TICRR: variants seen among roughly 807,000 people sequenced by gnomAD.
TICRR encodes TOPBP1 interacting checkpoint and replication regulator.
A neutral mutation model predicts 178.1 loss-of-function variants in TICRR; 132 were observed. That is an observed-to-expected ratio of 0.74 (90% CI 0.64 to 0.86). The LOEUF is 0.86. TICRR is among the 40% of genes least tolerant of loss of function. TICRR has a pLI of 0.00. For missense variants in TICRR, 2,587 were observed against 2,334.3 expected (o/e 1.11, Z -2.23); for synonymous variants, 991 against 900.7 (o/e 1.10, Z -1.79).
At chr15:89,614,317 AT>A (rs1170845165) in intron 15 of TICRR, among the ~76,000 whole-genome samples, 300 of 136,122 alleles carry the variant, frequency 2.2e-3, no homozygotes, top group African/African-American at 2.2e-3. Flanking sequence ...TGACAACTGG[AT>A]TTTTTTTTTT....
intron 16 of TICRR, among the ~76,000 whole-genome samples, chr15:89,617,496 T>C (rs1963353715): frequency 6.6e-6 from 1 of 152,128 alleles, no homozygotes; most frequent in Non-Finnish European, 1.5e-5. Flanking sequence ...TTCCAAAAAA[T>C]AAAAGCAAAA....
intron 5 of TICRR, 53 bp downstream of exon 5, chr15:89,592,229 T>C: frequency 1.3e-6 from 2 of 1,531,354 alleles, no homozygotes; most frequent in Non-Finnish European, 1.8e-6. Flanking sequence ...AACGTTCAGT[T>C]ATCTGCATTT....
chr15:89,608,715 T>C (rs918197409), intron 14 of TICRR, 88 bp from the exon 15 acceptor site: 24 of 1,198,214 alleles, frequency 2.0e-5, no homozygotes, highest in Non-Finnish European at 2.7e-5. Context: ...AAGGAGCTTC[T>C]CTGTTTTGGT....
At position 89,624,211 on chromosome 15, in the gene TICRR, ACTT is replaced by A; in HGVS notation, c.3906_3908del (p.Ser1303del). On this transcript the variant is annotated inframe_deletion, in exon 20 of 22. Coordinates refer to ENST00000268138, the MANE Select transcript of TICRR (RefSeq NM_152259.4). ...AAAAAGACCAGGGAATTCAACTGTG[ACTT>A]CTTCCCCACCTGTTACGCCAAAGAA... 6.2e-7 allele frequency: 1 copy of A among 1,614,208 alleles called. No homozygotes were observed.
chr15:89,576,821 GTATATA>G (rs369518649), intron 1 of TICRR, among the ~76,000 whole-genome samples: 35,096 of 92,288 alleles, frequency 0.38, 5,187 homozygotes, highest in South Asian at 0.5. Context: ...ATGTGTGTGT[GTATATA>G]TATATATATA....
At chr15:89,598,248 C>T (rs534892353) in intron 7 of TICRR, among the ~76,000 whole-genome samples, 6 of 152,204 alleles carry the variant, frequency 3.9e-5, no homozygotes, top group Middle Eastern at 3.4e-3. Flanking sequence ...GCTGGGATTA[C>T]AGGCGTGAGC....
In TICRR at chr15:89,623,793, C is replaced by G. The variant is rs934815210; in HGVS notation, c.3483C>G (p.Ser1161=). ...AAFKESLKDS[S]SPGHDSPLDS... Reference sequence around the variant, plus strand: ...TTAAGGAGTCCTTAAAAGACTCCTCCTCACCCGGCCATGACTCACCATTGG... The same window carrying G: ...TTAAGGAGTCCTTAAAAGACTCCTCGTCACCCGGCCATGACTCACCATTGG... Residue 1161 remains serine, a synonymous_variant, in exon 20 of 22, where the codon TCC becomes TCG. Transcript: ENST00000268138. 4 of 1,613,958 alleles carry G rather than the reference C, an allele frequency of 2.5e-6. No individual in the cohort carries two copies. The highest frequency in any genetic ancestry group is 2.5e-6 in the Non-Finnish European group (3 of 1,179,978).
intron 18 of TICRR, among the ~76,000 whole-genome samples, chr15:89,620,453 C>G (rs894296877): frequency 6.6e-6 from 1 of 152,088 alleles, no homozygotes; most frequent in Non-Finnish European, 1.5e-5. Context: ...AGTGATCCAT[C>G]TGCCTCGGCC....
At position 89,624,984 on chromosome 15, in the gene TICRR, C is replaced by T; in HGVS notation, c.4674C>T (p.Thr1558=). 1 of 1,614,098 alleles carries T rather than the reference C, an allele frequency of 6.2e-7. No individual in the cohort carries two copies. The highest frequency in any genetic ancestry group is 8.5e-7 in the Non-Finnish European group (1 of 1,180,032). ...WHSTDSASPQ[T]YEVELEMQAS... is the part of the protein sequence containing the mutation. ...CCACAGACTCTGCCAGCCCACAGAC[C>T]TATGAGGTTGAGCTGGAGATGCAAG... Residue 1558 remains threonine, a synonymous_variant, in exon 20 of 22, where the codon ACC becomes ACT. Coordinates refer to ENST00000268138, the MANE Select transcript of TICRR (RefSeq NM_152259.4).
At position 89,601,374 on chromosome 15, in the gene TICRR, G is replaced by C; in HGVS notation, c.2230G>C (p.Glu744Gln). 6.2e-7 allele frequency: 1 copy of C among 1,614,134 alleles called. No homozygotes were observed. The highest frequency in any genetic ancestry group is 8.5e-7 in the Non-Finnish European group (1 of 1,180,000). Reference protein sequence around the residue: ...PSINESTDDMEQVVEEVTDLL... With the variant: ...PSINESTDDMQQVVEEVTDLL... Reference sequence around the variant, plus strand: ...AATAAATGAAAGTACAGATGATATGGAACAAGTAGTGGAGGAGGCAAGTAT... The same window carrying C: ...AATAAATGAAAGTACAGATGATATGCAACAAGTAGTGGAGGAGGCAAGTAT... Residue 744 changes from glutamate to glutamine, a missense_variant, in exon 10 of 22, where the codon GAA becomes CAA. Physicochemically the swap from Glu to Gln is conservative, Grantham distance 29 (BLOSUM62 2). Coordinates refer to ENST00000268138, the MANE Select transcript of TICRR (RefSeq NM_152259.4).
chr15:89,618,632 C>G (rs1223218253), intron 17 of TICRR, among the ~76,000 whole-genome samples: 1 of 152,206 alleles, frequency 6.6e-6, no homozygotes, highest in African/African-American at 2.4e-5. Flanking sequence ...CACACAGTGC[C>G]TGGCACATAG....
chr15:89,584,657 T>A, intron 3 of TICRR, 130 bp downstream of exon 3: 1 of 950,424 alleles, frequency 1.1e-6, no homozygotes. Context: ...AATAATATTG[T>A]TGACATTATA....
intron 5 of TICRR, among the ~76,000 whole-genome samples, chr15:89,593,119 A>G (rs1245110964): frequency 5.9e-5 from 9 of 152,202 alleles, no homozygotes; most frequent in Admixed American, 5.2e-4. Context: ...GCATTTTCAT[A>G]TAAACTTCAG....
rs1310785043 is a variant in TICRR, at chr15:89,618,178, G to T, written c.2987G>T (p.Gly996Val). 2 of 1,614,046 alleles carry T rather than the reference G, an allele frequency of 1.2e-6. No homozygotes were observed. The highest frequency in any genetic ancestry group is 2.7e-5 in the African/African-American group (2 of 74,900). ...GRSSDPGPDI[G>V]VVEESPEKGD... ...TCCTCTGATCCTGGTCCTGATATTG[G>T]TGTTGTTGAAGAGTCCCCTGAAAAA... The change falls in exon 17 of 22, where the codon GGT becomes GTT. Residue 996 changes from glycine (G) to valine (V), a missense_variant. Coordinates refer to ENST00000268138, the MANE Select transcript of TICRR (RefSeq NM_152259.4).
At chr15:89,616,256 G>C in intron 15 of TICRR, 149 bp from the exon 16 acceptor site, 1 of 629,232 alleles carries the variant, frequency 1.6e-6, no homozygotes, top group Non-Finnish European at 2.8e-6. Flanking sequence ...GTTGAGTCCT[G>C]TAACCATAGA....
chr15:89,583,698 C>T (rs1036137520), intron 2 of TICRR, among the ~76,000 whole-genome samples: 1 of 151,108 alleles, frequency 6.6e-6, no homozygotes, highest in African/African-American at 2.4e-5. Flanking sequence ...TTTTTTGAGA[C>T]AAGGTCTTGC....
intron 5 of TICRR, among the ~76,000 whole-genome samples, chr15:89,592,592 G>A (rs574868076): frequency 1.3e-5 from 2 of 152,238 alleles, no homozygotes; most frequent in East Asian, 3.9e-4. Flanking sequence ...AATCCAACAT[G>A]AGAAGTAAAT....
At chr15:89,617,835 G>A (rs1261492701) in intron 16 of TICRR, among the ~76,000 whole-genome samples, 1 of 152,094 alleles carries the variant, frequency 6.6e-6, no homozygotes, top group African/African-American at 2.4e-5. Context: ...GGGACTACAG[G>A]CGCATGCCAC....
In TICRR at chr15:89,602,836, T is replaced by C; in HGVS notation, c.2608T>C (p.Ser870Pro). ...AAGACATAAAAGCATTGCTGAGGTT[T>C]CACAGAATCTTCGACAAATTGAAAT... The part of the protein sequence containing the change: ...LIRHKSIAEV[S>P]QNLRQIEIPK... The change falls in exon 13 of 22, where the codon TCA (serine) becomes CCA (proline). Residue 870 changes from serine (S) to proline (P), a missense_variant. Transcript: ENST00000268138. The C allele has an allele frequency of 6.6e-7, 1 of 1,525,528 alleles. No individual in the cohort carries two copies. Among genetic ancestry groups the C allele is most frequent in the Non-Finnish European group, 8.8e-7 (1 of 1,137,898 alleles). The allele number at this position is 1,525,528 out of a possible 1,614,324, so 94.5% of individuals were successfully genotyped here.
Sources: gnomAD v4.1 joint callset for allele counts (sites outside exome capture counted in the v4.1 genomes callset) on GRCh38, gnomAD v4.1.1 for gene constraint, MANE v1.5 for transcripts, NCBI Gene and HGNC (gene_info 2026-07-23, HGNC 2026-07-21) for gene names.